Variants in OR5H15 observed in about 807,000 individuals in gnomAD.
OR5H15 encodes olfactory receptor 5H15.
For missense variants in OR5H15, 405 were observed against 366.1 expected (o/e 1.11, Z -0.87); for synonymous variants, 153 against 129.1 (o/e 1.19, Z -1.26).
rs773868545 is a variant in OR5H15, at chr3:98,168,999, A to T, written c.300A>T (p.Gln100His). Residue 100 changes from glutamine (Q) to histidine (H), a missense_variant, in exon 2 of 2, where the codon CAA (glutamine) becomes CAT (histidine). By Grantham distance (24) the Gln-to-His change is conservative (BLOSUM62 0). Transcript: ENST00000641450. ...KMISLSECKIQFFSIAIGVTT... is the reference protein window; with the variant it reads ...KMISLSECKIHFFSIAIGVTT... ...TATCTCTCTCTGAATGCAAGATACA[A>T]TTTTTTTCCATTGCAATTGGCGTAA... is the stretch of plus-strand genomic sequence containing the variant. The T allele has an allele frequency of 5.0e-6, 8 of 1,613,420 alleles. No individual in the cohort carries two copies. In the African/African-American group the frequency reaches 9.3e-5, roughly 19 times the overall value.
chr3:98,169,359 T>C lies in OR5H15; in HGVS notation c.660T>C (p.Phe220=). 1.9e-6 allele frequency: 3 copies of C among 1,613,278 alleles called. No individual in the cohort carries two copies. The highest frequency in any genetic ancestry group is 2.5e-6 in the Non-Finnish European group (3 of 1,179,514). Reference sequence around the variant, plus strand: ...TGACTATTCTTATATCTTACACATTTGTTCTCTTCACAGTCTTAGAAAAGA... The same window carrying C: ...TGACTATTCTTATATCTTACACATTCGTTCTCTTCACAGTCTTAGAAAAGA... The part of the protein sequence containing the change: ...SIVTILISYT[F]VLFTVLEKKS... The change falls in exon 2 of 2, where the codon TTT becomes TTC. Residue 220 remains phenylalanine (F), a synonymous_variant. Transcript: ENST00000641450.
At chr3:98,168,294 C>A (rs184155080) in intron 1 of OR5H15, among the ~76,000 whole-genome samples, 3 of 152,050 alleles carry the variant, frequency 2.0e-5, no homozygotes, top group Admixed American at 2.0e-4. Context: ...ACATGCTTAA[C>A]GTATAAAGAA....
At chr3:98,167,018 G>T (rs1262057816) in intron 1 of OR5H15, among the ~76,000 whole-genome samples, 187 bp downstream of exon 1, 3 of 151,996 alleles carry the variant, frequency 2.0e-5, no homozygotes, top group Non-Finnish European at 4.4e-5. Flanking sequence ...GTAAATAGTT[G>T]TAAGACTGAA....
In OR5H15 at chr3:98,169,732, T is replaced by G. The variant is rs1410645832; in HGVS notation, c.*91T>G. The G allele has an allele frequency of 1.1e-6, 1 of 889,894 alleles. No individual in the cohort carries two copies. The highest frequency in any genetic ancestry group is 2.6e-5 in the East Asian group (1 of 37,964). 55.1% of individuals were successfully genotyped at this position (889,894 alleles called of 1,614,324 possible). A position where few individuals can be genotyped will look rare whatever the true frequency, so the allele number is the denominator to read the frequency against. ...CAGTGTTCAAACATTTTTGCAAGTA[T>G]AACTGTCCTAGCACTTTAATGACCT... On this transcript the variant is annotated 3_prime_UTR_variant, in exon 2 of 2. Coordinates refer to ENST00000641450, the MANE Select transcript of OR5H15 (RefSeq NM_001005515.2).
intron 1 of OR5H15, among the ~76,000 whole-genome samples, chr3:98,168,376 T>C (rs1708749321): frequency 6.6e-6 from 1 of 152,110 alleles, no homozygotes; most frequent in African/African-American, 2.4e-5. Context: ...ATCTTTTCTG[T>C]TGACATTGTA....
At position 98,169,429 on chromosome 3, in the gene OR5H15, C is replaced by G. The variant is rs1708775123; in HGVS notation, c.730C>G (p.His244Asp). 3.1e-6 allele frequency: 5 copies of G among 1,613,524 alleles called. No individual in the cohort carries two copies. The highest frequency in any genetic ancestry group is 3.4e-6 in the Non-Finnish European group (4 of 1,179,710). Residue 244 changes from histidine (H) to aspartate (D), a missense_variant, in exon 2 of 2, where the codon CAT becomes GAT. Physicochemically the swap from His to Asp is moderately conservative, Grantham distance 81. Transcript: ENST00000641450. ...GAAAGCCTTTTCCACCTGTGGAGCC[C>G]ATCTCTTCTCTGTCTGTTTATACTA... ...VRKAFSTCGAHLFSVCLYYGP... is the reference protein window; with the variant it reads ...VRKAFSTCGADLFSVCLYYGP...
chr3:98,169,569 C>G lies in OR5H15; in HGVS notation c.870C>G (p.Tyr290Ter). The part of the protein sequence containing the change: ...VIIPLLNPII[Y>*]SLRNKQVIVS... ...TTCCTTTGTTAAATCCTATCATCTA[C>G]AGTCTGAGAAATAAGCAAGTCATAG... Residue 290 changes from tyrosine to a stop codon, truncating the protein, a stop_gained, in exon 2 of 2, where the codon TAC becomes TAG. Transcript: ENST00000641450. LOFTEE classifies it low-confidence loss of function (END_TRUNC). 5.0e-6 allele frequency: 8 copies of G among 1,611,004 alleles called. No homozygotes were observed. The highest frequency in any genetic ancestry group is 6.8e-6 in the Non-Finnish European group (8 of 1,177,556).
Position 98,169,527 on chromosome 3 carries a change from A to G in OR5H15, c.828A>G (p.Leu276=), listed in dbSNP as rs757153019. The change falls in exon 2 of 2, where the codon CTA becomes CTG. Residue 276 remains leucine (L), a synonymous_variant. Transcript: ENST00000641450. The part of the protein sequence containing the change: ...QADGQNMVEP[L]FYTVIIPLLN... ...ATGGTCAAAATATGGTGGAGCCTCTATTCTACACTGTCATCATTCCTTTGT... is the reference window on the plus strand; with the variant it reads ...ATGGTCAAAATATGGTGGAGCCTCTGTTCTACACTGTCATCATTCCTTTGT... 3.1e-6 allele frequency: 5 copies of G among 1,613,252 alleles called. No homozygotes were observed. The Middle Eastern group carries it at 5.0e-4, about 160-fold the overall frequency.
chr3:98,168,381 A>C (rs1356357462), intron 1 of OR5H15, among the ~76,000 whole-genome samples: 2 of 152,086 alleles, frequency 1.3e-5, no homozygotes, highest in African/African-American at 2.4e-5. Flanking sequence ...TTCTGTTGAC[A>C]TTGTATGATG....
At chr3:98,167,377 T>TTCTC (rs66733083) in intron 1 of OR5H15, among the ~76,000 whole-genome samples, 39 of 149,268 alleles carry the variant, frequency 2.6e-4, no homozygotes, top group African/African-American at 7.7e-4. Flanking sequence ...GTCCCTGTAC[T>TTCTC]TCTCTCTCTC....
chr3:98,168,286 A>G (rs139566214), intron 1 of OR5H15, among the ~76,000 whole-genome samples: 1 of 152,070 alleles, frequency 6.6e-6, no homozygotes, highest in East Asian at 1.9e-4. Context: ...TTTTTGGTAC[A>G]TGCTTAACGT....
rs1345263689 is a variant in OR5H15, at chr3:98,169,422, T to C, written c.723T>C (p.Cys241=). The C allele has an allele frequency of 1.9e-6, 3 of 1,613,690 alleles. No individual in the cohort carries two copies. The highest frequency in any genetic ancestry group is 2.5e-6 in the Non-Finnish European group (3 of 1,179,756). The stretch of plus-strand genomic sequence containing the variant: ...GTGTAAGGAAAGCCTTTTCCACCTG[T>C]GGAGCCCATCTCTTCTCTGTCTGTT... ...DKGVRKAFST[C]GAHLFSVCLY... The change falls in exon 2 of 2, where the codon TGT becomes TGC. Residue 241 remains cysteine (C), a synonymous_variant. Coordinates refer to ENST00000641450, the MANE Select transcript of OR5H15 (RefSeq NM_001005515.2).
rs759043060 is a variant in OR5H15 at position 98,169,383 on chromosome 3, G to A, written c.684G>A (p.Lys228=). The A allele has an allele frequency of 3.7e-6, 6 of 1,613,282 alleles. No individual in the cohort carries two copies. Among genetic ancestry groups the A allele is most frequent in the Non-Finnish European group, 5.1e-6 (6 of 1,179,630 alleles). ...TTGTTCTCTTCACAGTCTTAGAAAA[G>A]AAATCTGATAAGGGTGTAAGGAAAG... ...YTFVLFTVLE[K]KSDKGVRKAF... Residue 228 remains lysine, a synonymous_variant, in exon 2 of 2, where the codon AAG becomes AAA. Coordinates refer to ENST00000641450, the MANE Select transcript of OR5H15 (RefSeq NM_001005515.2).
chr3:98,168,709 G>A lies in OR5H15; in HGVS notation c.10G>A (p.Glu4Lys). 6.2e-7 allele frequency: 1 copy of A among 1,612,618 alleles called. No individual in the cohort carries two copies. Among genetic ancestry groups the A allele is most frequent in the Non-Finnish European group, 8.5e-7 (1 of 1,179,218 alleles). MEE[E>K]NATLLTEFVL... ...GACATGCAGTGAGGACATGGAAGAG[G>A]AAAATGCAACATTGCTGACAGAGTT... Residue 4 changes from glutamate (E) to lysine (K), a missense_variant, in exon 2 of 2, where the codon GAA becomes AAA. Transcript: ENST00000641450.
intron 1 of OR5H15, among the ~76,000 whole-genome samples, chr3:98,167,216 T>C (rs1708731969): frequency 6.6e-6 from 1 of 152,110 alleles, no homozygotes; most frequent in African/African-American, 2.4e-5. Flanking sequence ...ATTAAACCTT[T>C]TAAGGTCAGT....
Position 98,169,046 on chromosome 3 carries a change from C to CA in OR5H15, c.349dup (p.Thr117AsnfsTer5). On this transcript the variant is annotated frameshift_variant, in exon 2 of 2. Transcript: ENST00000641450. LOFTEE classifies it low-confidence loss of function (END_TRUNC). ...GTAACCACAGAATGTTTTCTCTTGG[C>CA]AACAATGGCATATGATCGCTATGTA... The CA allele has an allele frequency of 6.2e-7, 1 of 1,613,670 alleles. No individual in the cohort carries two copies. The highest frequency in any genetic ancestry group is 8.5e-7 in the Non-Finnish European group (1 of 1,179,674).
At chr3:98,168,503 C>T (rs982698192) in intron 1 of OR5H15, among the ~76,000 whole-genome samples, 179 bp from the exon 2 acceptor site, 1 of 152,008 alleles carries the variant, frequency 6.6e-6, no homozygotes, top group African/African-American at 2.4e-5. Context: ...CAGTTTCAAA[C>T]CAAAATATAT....
rs1708758131 is a variant in OR5H15 at position 98,168,824 on chromosome 3, A to G, written c.125A>G (p.Asn42Ser). The G allele has an allele frequency of 3.1e-6, 5 of 1,613,366 alleles. No individual in the cohort carries two copies. The African/African-American group carries it at 5.3e-5, about 17-fold the overall frequency. ...ATATATCTCATCACCATCATGGGGA[A>G]TCTTGGTCTGATTGCTGTCATCTGG... ...LVIYLITIMG[N>S]LGLIAVIWKD... Residue 42 changes from asparagine (N) to serine (S), a missense_variant, in exon 2 of 2, where the codon AAT becomes AGT. By Grantham distance (46) the Asn-to-Ser change is conservative (BLOSUM62 1). Coordinates refer to ENST00000641450, the MANE Select transcript of OR5H15 (RefSeq NM_001005515.2).
At chr3:98,167,077 T>G (rs1002794055) in intron 1 of OR5H15, among the ~76,000 whole-genome samples, 3 of 152,156 alleles carry the variant, frequency 2.0e-5, no homozygotes, top group African/African-American at 4.8e-5. Context: ...ATAATGACTT[T>G]GTATGAACTA....
Sources: allele counts gnomAD v4.1 joint callset (sites outside exome capture counted in the v4.1 genomes callset), GRCh38; gene constraint gnomAD v4.1.1; transcripts MANE v1.5; gene names NCBI Gene and HGNC (gene_info 2026-07-23, HGNC 2026-07-21).